The following NGLY1 variants were observed in gnomAD, a reference collection of about 807,000 sequenced individuals.
The protein encoded by NGLY1 is peptide-N(4)-(N-acetyl-beta-glucosaminyl)asparagine amidase.
Under a neutral mutation model 84.6 loss-of-function variants are expected in NGLY1, and 68 were observed. The observed-to-expected ratio is 0.80, with a 90% confidence interval of 0.66 to 0.98. The LOEUF (loss-of-function observed/expected upper bound fraction) is 0.98. Among genes scored for constraint, NGLY1 ranks in the 50% least tolerant of loss-of-function variants. The pLI is 0.00. For missense variants in NGLY1, 779 were observed against 770.2 expected, an observed-to-expected ratio of 1.01 and a Z score of -0.14; for synonymous variants, 280 against 275.2, an observed-to-expected ratio of 1.02 and a Z score of -0.17.
At chr3:25,779,526 A>C (rs1409776015) in intron 1 of NGLY1, among the ~76,000 whole-genome samples, 1 of 152,196 alleles carries the variant, frequency 6.6e-6, no homozygotes, top group Non-Finnish European at 1.5e-5. Context: ...GACTTCTTTA[A>C]GTACTATGTT....
chr3:25,768,390 C>G (rs911624517), intron 2 of NGLY1, among the ~76,000 whole-genome samples: 7 of 146,838 alleles, frequency 4.8e-5, no homozygotes, highest in Admixed American at 3.5e-4. Flanking sequence ...CCACTGCACT[C>G]TAGCCTGGGC....
At chr3:25,777,187 A>G (rs1196722703) in intron 2 of NGLY1, among the ~76,000 whole-genome samples, 1 of 152,204 alleles carries the variant, frequency 6.6e-6, no homozygotes, top group Non-Finnish European at 1.5e-5. Flanking sequence ...CCTGAGGTCA[A>G]GAGTTCGAGA....
intron 10 of NGLY1, among the ~76,000 whole-genome samples, chr3:25,720,613 G>A (rs965998045): frequency 6.6e-6 from 1 of 152,096 alleles, no homozygotes; most frequent in African/African-American, 2.4e-5. Context: ...GTGTGACATG[G>A]TATGCTATAG....
chr3:25,760,833 C>A, intron 3 of NGLY1, among the ~76,000 whole-genome samples: 1 of 83,308 alleles, frequency 1.2e-5, no homozygotes, highest in Non-Finnish European at 2.4e-5. Flanking sequence ...GCACTCCAGC[C>A]TGGGCAACAA....
At chr3:25,775,644 A>G (rs7636322) in intron 2 of NGLY1, among the ~76,000 whole-genome samples, 109,374 of 152,120 alleles carry the variant, frequency 0.72, 41,964 homozygotes, top group East Asian at 0.94. Flanking sequence ...ATTAAATAAA[A>G]ATTTAAAAAA....
chr3:25,741,439 GCTAT>G (rs1429412553), intron 4 of NGLY1, among the ~76,000 whole-genome samples: 3 of 151,520 alleles, frequency 2.0e-5, no homozygotes, highest in African/African-American at 7.3e-5. Context: ...AGGACAAATA[GCTAT>G]CTATCAGATC....
intron 2 of NGLY1, among the ~76,000 whole-genome samples, chr3:25,774,975 C>T (rs540789618): frequency 2.0e-5 from 3 of 152,252 alleles, no homozygotes; most frequent in African/African-American, 7.2e-5. Context: ...AGGCTCTTCT[C>T]GCTGCTTGTT....
At chr3:25,721,631 C>T (rs1462807576) in intron 10 of NGLY1, among the ~76,000 whole-genome samples, 1 of 150,166 alleles carries the variant, frequency 6.7e-6, no homozygotes, top group East Asian at 2.0e-4. Context: ...CGCCTGTAGT[C>T]CCAGCTATTC....
chr3:25,788,317 G>A (rs1291662984), upstream of NGLY1, among the ~76,000 whole-genome samples: 1 of 152,214 alleles, frequency 6.6e-6, no homozygotes, highest in Non-Finnish European at 1.5e-5. Context: ...TGGAAAGATA[G>A]TTTTGAATCA....
At chr3:25,785,520 AC>A (rs1467575839), upstream of NGLY1, among the ~76,000 whole-genome samples, 1 of 144,570 alleles carries the variant, frequency 6.9e-6, no homozygotes, top group African/African-American at 2.7e-5. Flanking sequence ...ATGCAACAGA[AC>A]TTTTTTTTTT....
At chr3:25,750,998 T>C in intron 4 of NGLY1, 100 bp downstream of exon 4, 1 of 1,232,860 alleles carries the variant, frequency 8.1e-7, no homozygotes, top group Non-Finnish European at 1.1e-6. Context: ...ACCCATGCAG[T>C]TCAAACCCAT....
intron 10 of NGLY1, among the ~76,000 whole-genome samples, chr3:25,726,405 C>A (rs1422945005): frequency 6.6e-6 from 1 of 152,120 alleles, no homozygotes; most frequent in African/African-American, 2.4e-5. Flanking sequence ...ATTTTCATTT[C>A]TATTTGTTGA....
intron 4 of NGLY1, among the ~76,000 whole-genome samples, chr3:25,744,746 A>G (rs1458425379): frequency 2.4e-4 from 37 of 152,366 alleles, no homozygotes; most frequent in Admixed American, 2.4e-3. Context: ...CAAGAGAAGA[A>G]GCTCAAATTA....
upstream of NGLY1, among the ~76,000 whole-genome samples, chr3:25,787,071 T>G (rs1708621022): frequency 6.6e-6 from 1 of 152,166 alleles, no homozygotes; most frequent in South Asian, 2.1e-4. Flanking sequence ...AGCTCCACAT[T>G]TAAAGGTGGG....
rs1308755119 is a variant in NGLY1 at position 25,778,693 on chromosome 3, C to T, written c.132-5G>A. Reference sequence around the variant, plus strand: ...TATTTTTCATCATTAGGGTTTCTGACAAAAAACAAAAGTTTGATTATATAT... The same window carrying T: ...TATTTTTCATCATTAGGGTTTCTGATAAAAAACAAAAGTTTGATTATATAT... On this transcript the variant is annotated splice_region_variant and splice_polypyrimidine_tract_variant and intron_variant, in intron 1 of 11. Coordinates refer to ENST00000280700, the MANE Select transcript of NGLY1 (RefSeq NM_018297.4). 3 of 1,550,650 alleles carry T rather than the reference C, an allele frequency of 1.9e-6. No individual in the cohort carries two copies. Among genetic ancestry groups the T allele is most frequent in the Non-Finnish European group, 2.6e-6 (3 of 1,139,636 alleles).
At chr3:25,728,013 C>T (rs1052065103) in intron 10 of NGLY1, among the ~76,000 whole-genome samples, 4 of 152,034 alleles carry the variant, frequency 2.6e-5, no homozygotes, top group African/African-American at 7.2e-5. Context: ...ACAGGTATCT[C>T]GAAATTTTAA....
In NGLY1 at chr3:25,751,247, GC is replaced by G; in HGVS notation, c.508del (p.Ala170ProfsTer3). ...PSASTVAADS[A>X]ILEVLQSNIQ... is the part of the protein sequence containing the mutation. The stretch of plus-strand genomic sequence containing the variant: ...GTTGGACTGAAGAACTTCTAGAATG[GC>G]TGAGTCAGCAGCAACCTAATAGGAA... On this transcript the variant is annotated frameshift_variant, in exon 4 of 12. Coordinates refer to ENST00000280700, the MANE Select transcript of NGLY1 (RefSeq NM_018297.4). LOFTEE classifies it high-confidence loss of function. The G allele has an allele frequency of 6.4e-7, 1 of 1,571,810 alleles. No individual in the cohort carries two copies. The highest frequency in any genetic ancestry group is 1.2e-5 in the South Asian group (1 of 82,220).
intron 4 of NGLY1, among the ~76,000 whole-genome samples, chr3:25,742,558 G>A (rs146568338): frequency 7.8e-4 from 118 of 152,238 alleles, no homozygotes; most frequent in African/African-American, 2.6e-3. Context: ...AGAGTTTGGC[G>A]TTTCCCATAT....
Position 25,720,034 on chromosome 3 carries a change from G to C in NGLY1, c.1769C>G (p.Ala590Gly). ...TVEWKLRSDT[A>G]QVELTGDNSL... ...CTTACCGCCTGTCAGTTCTACTTGT[G>C]CTGTATCAGATCGCAATTTCCATTC... Residue 590 changes from alanine to glycine, a missense_variant, in exon 11 of 12, where the codon GCA becomes GGA. Physicochemically the swap from Ala to Gly is moderately conservative, Grantham distance 60. Coordinates refer to ENST00000280700, the MANE Select transcript of NGLY1 (RefSeq NM_018297.4). 6.2e-7 allele frequency: 1 copy of C among 1,612,830 alleles called. No homozygotes were observed. The highest frequency in any genetic ancestry group is 1.1e-5 in the South Asian group (1 of 90,858).
Sources: allele counts gnomAD v4.1 joint callset (sites outside exome capture counted in the v4.1 genomes callset), GRCh38; gene constraint gnomAD v4.1.1; transcripts MANE v1.5; gene names NCBI Gene and HGNC (gene_info 2026-07-23, HGNC 2026-07-21).